Variants in BATF observed in about 807,000 individuals in gnomAD.
BATF encodes basic leucine zipper ATF-like transcription factor.
BATF carries 5 observed loss-of-function variants against 13.7 expected under a neutral mutation model. The ratio of observed to expected loss-of-function variants is 0.36; its 90% confidence interval spans 0.19 to 0.77. BATF has a LOEUF of 0.77. Among genes scored for constraint, BATF ranks in the 30% least tolerant of loss-of-function variants. The probability of loss-of-function intolerance (pLI) is 0.51; values close to 1 mark genes in which losing one functional copy is unlikely to be tolerated. For missense variants in BATF, 124 were observed against 163.0 expected, an observed-to-expected ratio of 0.76 and a Z score of 1.30; for synonymous variants, 72 against 67.5, an observed-to-expected ratio of 1.07 and a Z score of -0.33.
At chr14:75,546,346 T>C (rs1340882741) in intron 2 of BATF, 116 bp from the exon 3 acceptor site, 36 of 1,010,250 alleles carry the variant, frequency 3.6e-5, no homozygotes, top group Non-Finnish European at 4.9e-5. Flanking sequence ...CTGGTGCCCT[T>C]CTCCATGGCT....
At position 75,546,897 on chromosome 14, in the gene BATF, A is replaced by G. The variant is rs556999836; in HGVS notation, c.*226A>G. ...CCCACCACTGTGGGTTGCAGGCCCA[A>G]TGCAGAAGAGTATTAAGAAAGATGC... On this transcript the variant is annotated 3_prime_UTR_variant, in exon 3 of 3. Coordinates refer to ENST00000286639, the MANE Select transcript of BATF (RefSeq NM_006399.5). 14 of 714,994 alleles carry G rather than the reference A, an allele frequency of 2.0e-5. 1 individual carries two copies. Among genetic ancestry groups the G allele is most frequent in the Non-Finnish European group, 3.5e-5 (14 of 396,496 alleles). 44.3% of individuals were successfully genotyped at this position (714,994 alleles called of 1,614,324 possible).
At chr14:75,536,571 A>T (rs10143452) in intron 2 of BATF, among the ~76,000 whole-genome samples, 1,876 of 151,742 alleles carry the variant, frequency 0.012, 36 homozygotes, top group African/African-American at 0.043. Flanking sequence ...ACAAAAAAAA[A>T]TTTTTTTTAA....
At chr14:75,534,129 G>T (rs917458519) in intron 2 of BATF, among the ~76,000 whole-genome samples, 1 of 152,142 alleles carries the variant, frequency 6.6e-6, no homozygotes, top group African/African-American at 2.4e-5. Flanking sequence ...AGATTTTAAA[G>T]TTGTAATCCA....
chr14:75,532,393 AT>A (rs1441863398), intron 2 of BATF, among the ~76,000 whole-genome samples: 6 of 152,232 alleles, frequency 3.9e-5, no homozygotes, highest in Non-Finnish European at 5.9e-5. Flanking sequence ...CAGTATATCC[AT>A]TGTACAATTG....
intron 2 of BATF, among the ~76,000 whole-genome samples, chr14:75,546,162 T>C (rs372534032): frequency 1.1e-4 from 17 of 152,274 alleles, no homozygotes; most frequent in African/African-American, 4.1e-4. Context: ...GCGCCCGGCC[T>C]GAAATTGCTA....
At chr14:75,532,912 C>T (rs1887759038) in intron 2 of BATF, among the ~76,000 whole-genome samples, 1 of 152,172 alleles carries the variant, frequency 6.6e-6, no homozygotes. Flanking sequence ...CTCCAAAATG[C>T]TAATAGCAGT....
intron 2 of BATF, among the ~76,000 whole-genome samples, chr14:75,531,824 A>G (rs1433424699): frequency 3.3e-5 from 5 of 152,126 alleles, no homozygotes; most frequent in African/African-American, 1.2e-4. Flanking sequence ...TTACGGTCCT[A>G]TTTCACTCCT....
intron 2 of BATF, among the ~76,000 whole-genome samples, chr14:75,543,798 T>C (rs1383574284): frequency 6.6e-6 from 1 of 150,714 alleles, no homozygotes; most frequent in Non-Finnish European, 1.5e-5. Context: ...ACCATTGTAC[T>C]CCAGCCTGGG....
intron 2 of BATF, among the ~76,000 whole-genome samples, chr14:75,530,680 T>C (rs554564708): frequency 1.3e-5 from 2 of 152,282 alleles, no homozygotes; most frequent in South Asian, 4.1e-4. Context: ...TATTTATTTA[T>C]TTTTTATTTT....
rs974292364 is a variant in BATF at position 75,546,843 on chromosome 14, C to T, written c.*172C>T. 6 of 927,396 alleles carry T rather than the reference C, an allele frequency of 6.5e-6. No homozygotes were observed. Among genetic ancestry groups the T allele is most frequent in the South Asian group, 1.4e-5 (1 of 71,786 alleles). 57.4% of individuals were successfully genotyped at this position (927,396 alleles called of 1,614,324 possible). On this transcript the variant is annotated 3_prime_UTR_variant, in exon 3 of 3. Transcript: ENST00000286639. ...AGGGCGTGAGGCCTCCCAGCAGTGC[C>T]GCAGCGTTTCGAGGGGCGTGTGCTG...
intron 2 of BATF, among the ~76,000 whole-genome samples, chr14:75,532,983 A>G (rs1595005256): frequency 6.6e-6 from 1 of 152,216 alleles, no homozygotes; most frequent in African/African-American, 2.4e-5. Flanking sequence ...CTTTTTTATT[A>G]TAATGAATGT....
intron 2 of BATF, 70 bp from the exon 3 acceptor site, chr14:75,546,392 C>A: frequency 1.3e-6 from 2 of 1,518,214 alleles, no homozygotes; most frequent in South Asian, 1.2e-5. Flanking sequence ...CCTCCTGTGT[C>A]CCTCCGCACC....
At chr14:75,535,060 G>A (rs2140038625) in intron 2 of BATF, among the ~76,000 whole-genome samples, 2 of 152,232 alleles carry the variant, frequency 1.3e-5, no homozygotes, top group Middle Eastern at 3.4e-3. Flanking sequence ...ATGACAGAAA[G>A]CAAAATACAA....
chr14:75,522,681 C>T lies in BATF; in HGVS notation c.-2C>T, dbSNP rs1566764874. On this transcript the variant is annotated 5_prime_UTR_variant, in exon 1 of 3. Coordinates refer to ENST00000286639, the MANE Select transcript of BATF (RefSeq NM_006399.5). ...AGTGTGAGAGCCCGGAAGATTTCAG[C>T]CATGCCTCACAGCTCCGACAGCAGT... 6.2e-7 allele frequency: 1 copy of T among 1,614,094 alleles called. No individual in the cohort carries two copies. Among genetic ancestry groups the T allele is most frequent in the Non-Finnish European group, 8.5e-7 (1 of 1,179,996 alleles).
chr14:75,529,729 A>G (rs1395023484), intron 2 of BATF, among the ~76,000 whole-genome samples: 1 of 152,152 alleles, frequency 6.6e-6, no homozygotes, highest in African/African-American at 2.4e-5. Flanking sequence ...TTACTATATG[A>G]GAGAGCTCTT....
chr14:75,532,151 C>T (rs1257878724), intron 2 of BATF, among the ~76,000 whole-genome samples: 8 of 152,180 alleles, frequency 5.3e-5, no homozygotes, highest in Non-Finnish European at 2.9e-5. Context: ...GATGACACAG[C>T]TTGTGACTAG....
chr14:75,545,388 A>ATTT lies in BATF; in HGVS notation c.169-1055_169-1053dup, dbSNP rs35791450. 4.4e-3 allele frequency among the ~76,000 whole-genome samples: 461 copies of ATTT among 105,168 alleles called. 6 individuals are homozygous for ATTT. The highest frequency in any genetic ancestry group is 6.4e-3 in the Non-Finnish European group (353 of 55,096). 69.0% of individuals were successfully genotyped at this position (105,168 alleles called of 152,430 possible). On this transcript the variant is annotated intron_variant, in intron 2 of 2. Transcript: ENST00000286639. ...AGGTGTGCACCACCACGCCTGGTTA[A>ATTT]TTTTTTTTTTTTTTTTTTTTTGTAT...
At chr14:75,528,804 G>A (rs1887689562) in intron 2 of BATF, among the ~76,000 whole-genome samples, 1 of 152,158 alleles carries the variant, frequency 6.6e-6, no homozygotes, top group South Asian at 2.1e-4. Context: ...AATGCAGTCA[G>A]CTTCTAAAAT....
chr14:75,539,903 G>T (rs1295717707), intron 2 of BATF, among the ~76,000 whole-genome samples: 2 of 152,074 alleles, frequency 1.3e-5, no homozygotes, highest in East Asian at 3.9e-4. Flanking sequence ...AGGAATGGCG[G>T]GCTCCACCCT....
Sources: gnomAD v4.1 joint callset for allele counts (sites outside exome capture counted in the v4.1 genomes callset) on GRCh38, gnomAD v4.1.1 for gene constraint, MANE v1.5 for transcripts, NCBI Gene and HGNC (gene_info 2026-07-23, HGNC 2026-07-21) for gene names.